The following UGT8 variants were observed in gnomAD, a reference collection of about 807,000 sequenced individuals.
The protein encoded by UGT8 is 2-hydroxyacylsphingosine 1-beta-galactosyltransferase.
Under a neutral mutation model 40.5 loss-of-function variants are expected in UGT8, and 12 were observed. That is an observed-to-expected ratio of 0.30 (90% CI 0.19 to 0.48). The LOEUF (loss-of-function observed/expected upper bound fraction) is 0.48. Among genes scored for constraint, UGT8 ranks in the 20% least tolerant of loss-of-function variants. The pLI, the probability that UGT8 is intolerant of heterozygous loss-of-function variation, is 0.99. For missense variants in UGT8, 513 were observed against 648.7 expected (o/e 0.79, Z 2.27); for synonymous variants, 224 against 240.4 (o/e 0.93, Z 0.63).
intron 1 of UGT8, among the ~76,000 whole-genome samples, chr4:114,617,314 C>T (rs7700044): frequency 0.013 from 1,942 of 152,258 alleles, 31 homozygotes; most frequent in African/African-American, 0.036. Context: ...TACAGATGAA[C>T]GTTTTGGATG....
intron 2 of UGT8, among the ~76,000 whole-genome samples, chr4:114,644,278 A>G (rs1733416677): frequency 6.6e-6 from 1 of 152,150 alleles, no homozygotes; most frequent in African/African-American, 2.4e-5. Flanking sequence ...GAAGAAGCTG[A>G]AAGTAGGTTT....
chr4:114,657,072 C>T (rs1051795511), intron 2 of UGT8, among the ~76,000 whole-genome samples: 5 of 151,662 alleles, frequency 3.3e-5, no homozygotes, highest in Non-Finnish European at 7.4e-5. Context: ...ATATCATTTC[C>T]GTAGTGATTT....
intron 2 of UGT8, among the ~76,000 whole-genome samples, chr4:114,626,730 G>GT (rs1283361595): frequency 6.6e-6 from 1 of 152,082 alleles, no homozygotes; most frequent in African/African-American, 2.4e-5. Flanking sequence ...TTTATTAGGT[G>GT]TTTTTTCAAG....
chr4:114,652,457 AT>A (rs996517082), intron 2 of UGT8, among the ~76,000 whole-genome samples: 1 of 151,556 alleles, frequency 6.6e-6, no homozygotes, highest in Admixed American at 6.6e-5. Flanking sequence ...AGTGGAGAGT[AT>A]TTTAATAGGT....
chr4:114,655,067 T>C (rs1056995965), intron 2 of UGT8, among the ~76,000 whole-genome samples: 1 of 140,612 alleles, frequency 7.1e-6, no homozygotes, highest in African/African-American at 2.7e-5. Flanking sequence ...TTGTTTTTTG[T>C]TTTTTTTTTT....
chr4:114,668,062 T>C (rs1462099510), intron 4 of UGT8, 23 bp from the exon 5 acceptor site: 1 of 1,609,790 alleles, frequency 6.2e-7, no homozygotes. Flanking sequence ...TTGTAAGTTG[T>C]TTTCTTTTTC....
intron 2 of UGT8, among the ~76,000 whole-genome samples, chr4:114,648,755 A>G (rs1472444181): frequency 6.6e-6 from 1 of 152,216 alleles, no homozygotes; most frequent in Non-Finnish European, 1.5e-5. Context: ...AATATATGGC[A>G]TAAGGGAAGA....
intron 5 of UGT8, among the ~76,000 whole-genome samples, chr4:114,672,637 G>C (rs183123411): frequency 2.6e-5 from 4 of 152,032 alleles, no homozygotes; most frequent in African/African-American, 9.7e-5. Flanking sequence ...GACACAGAGA[G>C]GGGGAAGAAC....
intron 2 of UGT8, among the ~76,000 whole-genome samples, chr4:114,652,551 A>G (rs188964559): frequency 6.6e-6 from 1 of 152,156 alleles, no homozygotes; most frequent in African/African-American, 2.4e-5. Flanking sequence ...TTGGTGAGAA[A>G]GTACATTTTG....
chr4:114,631,313 C>T (rs1341487734), intron 2 of UGT8, among the ~76,000 whole-genome samples: 2 of 152,100 alleles, frequency 1.3e-5, no homozygotes, highest in African/African-American at 4.8e-5. Context: ...GTAACCCCAT[C>T]TCTACTAAAA....
chr4:114,631,809 TTC>T (rs1732596160), intron 2 of UGT8, among the ~76,000 whole-genome samples: 2 of 152,312 alleles, frequency 1.3e-5, no homozygotes, highest in Non-Finnish European at 2.9e-5. Context: ...ATTAAAGATT[TTC>T]TCTGTTTTAG....
At chr4:114,641,790 T>G (rs1287949525) in intron 2 of UGT8, among the ~76,000 whole-genome samples, 1 of 152,156 alleles carries the variant, frequency 6.6e-6, no homozygotes, top group Non-Finnish European at 1.5e-5. Flanking sequence ...CTTGAATAAA[T>G]TATAAGATCA....
chr4:114,616,160 T>A (rs999600373), intron 1 of UGT8, among the ~76,000 whole-genome samples: 2 of 152,222 alleles, frequency 1.3e-5, no homozygotes, highest in African/African-American at 4.8e-5. Flanking sequence ...TGCAGAGGTT[T>A]CTGCTGCCTT....
At chr4:114,658,146 A>G (rs189887132) in intron 2 of UGT8, among the ~76,000 whole-genome samples, 2 of 152,338 alleles carry the variant, frequency 1.3e-5, no homozygotes, top group East Asian at 1.9e-4. Context: ...CTATCATTTT[A>G]CCTACTAAAT....
At chr4:114,609,289 A>C (rs1369083273) in intron 1 of UGT8, among the ~76,000 whole-genome samples, 1 of 152,182 alleles carries the variant, frequency 6.6e-6, no homozygotes. Context: ...TCCTCAGCTA[A>C]AGTAAAAAGA....
chr4:114,650,421 T>C (rs1733832635), intron 2 of UGT8, among the ~76,000 whole-genome samples: 2 of 152,192 alleles, frequency 1.3e-5, no homozygotes, highest in Non-Finnish European at 2.9e-5. Flanking sequence ...AACTCCCACA[T>C]GCATAGCATT....
At chr4:114,643,904 T>C (rs1488272036) in intron 2 of UGT8, among the ~76,000 whole-genome samples, 2 of 152,136 alleles carry the variant, frequency 1.3e-5, no homozygotes, top group Non-Finnish European at 2.9e-5. Context: ...CTTAGAAATG[T>C]CATCTATATT....
At chr4:114,610,383 A>G (rs935414344) in intron 1 of UGT8, among the ~76,000 whole-genome samples, 1 of 152,312 alleles carries the variant, frequency 6.6e-6, no homozygotes, top group Admixed American at 6.5e-5. Context: ...GTACAAATAT[A>G]TTGTGTCAAT....
At position 114,614,838 on chromosome 4, in the gene UGT8, GA is replaced by G. The variant is rs1466835511; in HGVS notation, c.-2-8040del. Among the ~76,000 whole-genome samples the G allele has an allele frequency of 7.4e-3, 932 of 126,500 alleles. 12 individuals are homozygous for G. Among genetic ancestry groups the G allele is most frequent in the African/African-American group, 0.024 (860 of 35,326 alleles). The allele number at this position is 126,500 out of a possible 152,430, so 83.0% of individuals were successfully genotyped here. On this transcript the variant is annotated intron_variant, in intron 1 of 5. Coordinates refer to ENST00000310836, the MANE Select transcript of UGT8 (RefSeq NM_001128174.3). Reference sequence around the variant, plus strand: ...TCAGATTGTACTCTTAAAGGTGCCAGACTTTTTTTTTTTTTTTTTTTTGGGC... The same window carrying G: ...TCAGATTGTACTCTTAAAGGTGCCAGCTTTTTTTTTTTTTTTTTTTTGGGC...
Sources: gnomAD v4.1 joint callset for allele counts (sites outside exome capture counted in the v4.1 genomes callset) on GRCh38, gnomAD v4.1.1 for gene constraint, MANE v1.5 for transcripts, NCBI Gene and HGNC (gene_info 2026-07-23, HGNC 2026-07-21) for gene names.